Variants in VPS37A observed in about 807,000 individuals in gnomAD.
VPS37A encodes VPS37A subunit of ESCRT-I.
Under a neutral mutation model 49.8 loss-of-function variants are expected in VPS37A, and 30 were observed. That is an observed-to-expected ratio of 0.60 (90% CI 0.45 to 0.82). The LOEUF is 0.82. Among genes scored for constraint, VPS37A ranks in the 40% least tolerant of loss-of-function variants. VPS37A has a pLI of 0.00. For missense variants in VPS37A, 593 were observed against 464.4 expected (o/e 1.28, Z -2.55); for synonymous variants, 195 against 160.6 (o/e 1.21, Z -1.62).
chr8:17,252,931 T>A (rs544306185), intron 1 of VPS37A, among the ~76,000 whole-genome samples: 2 of 152,376 alleles, frequency 1.3e-5, no homozygotes, highest in South Asian at 4.1e-4. Flanking sequence ...TTTAAAATTA[T>A]GCGTATCAAT....
At chr8:17,330,269 G>C in the VPS37A span, among the ~76,000 whole-genome samples, 1 of 152,204 alleles carries the variant, frequency 6.6e-6, no homozygotes, top group African/African-American at 2.4e-5. Context: ...CTTCATTCCA[G>C]AGCCTGCATT....
the VPS37A span, among the ~76,000 whole-genome samples, chr8:17,312,574 CAAAAAAAAAAAA>C: frequency 3.8e-4 from 33 of 87,252 alleles, no homozygotes; most frequent in South Asian, 9.0e-3. Context: ...GACTCCCTCT[CAAAAAAAAAAAA>C]AAAAAAAAAA....
chr8:17,315,389 T>G, the VPS37A span, among the ~76,000 whole-genome samples: 2 of 138,042 alleles, frequency 1.4e-5, no homozygotes, highest in Admixed American at 7.4e-5. Context: ...GGCAGAAAAC[T>G]ACGACAGTGG....
At chr8:17,331,824 A>C in the VPS37A span, among the ~76,000 whole-genome samples, 1 of 152,320 alleles carries the variant, frequency 6.6e-6, no homozygotes, top group African/African-American at 2.4e-5. Context: ...AATAAAATGA[A>C]GAGAGGGAAT....
intron 4 of VPS37A, among the ~76,000 whole-genome samples, chr8:17,273,918 A>T (rs1814253465): frequency 6.6e-6 from 1 of 152,228 alleles, no homozygotes; most frequent in Non-Finnish European, 1.5e-5. Flanking sequence ...TTACATTAAT[A>T]TTTAAAACAT....
chr8:17,311,701 A>G, the VPS37A span: 1 of 1,608,514 alleles, frequency 6.2e-7, no homozygotes, highest in Non-Finnish European at 8.5e-7. Context: ...ACCTCTCATC[A>G]CAGCCAGGTT....
At position 17,280,280 on chromosome 8, in the gene VPS37A, C is replaced by G; in HGVS notation, c.883C>G (p.Gln295Glu). The G allele has an allele frequency of 6.2e-7, 1 of 1,612,606 alleles. No individual in the cohort carries two copies. Among genetic ancestry groups the G allele is most frequent in the Non-Finnish European group, 8.5e-7 (1 of 1,179,290 alleles). The change falls in exon 8 of 12, where the codon CAA becomes GAA. Residue 295 changes from glutamine to glutamate, a missense_variant. Gln to Glu is a conservative substitution (Grantham distance 29, BLOSUM62 2). Transcript: ENST00000324849. ...LLEPSLEAKR[Q>E]TVLDKYELLT... ...GGAGCCCAGCTTGGAAGCCAAAAGACAAACTGTTTTAGATAAGGTGAGTTA... is the reference window on the plus strand; with the variant it reads ...GGAGCCCAGCTTGGAAGCCAAAAGAGAAACTGTTTTAGATAAGGTGAGTTA...
chr8:17,281,169 T>G (rs1295359970), intron 9 of VPS37A, among the ~76,000 whole-genome samples: 1 of 152,042 alleles, frequency 6.6e-6, no homozygotes, highest in Non-Finnish European at 1.5e-5. Context: ...CATTGAGCAA[T>G]TAATATGTCT....
chr8:17,320,684 A>G, the VPS37A span, among the ~76,000 whole-genome samples: 1 of 152,232 alleles, frequency 6.6e-6, no homozygotes, highest in African/African-American at 2.4e-5. Flanking sequence ...AAAACTGAGC[A>G]AGCTCGGCCC....
chr8:17,299,577 A>T (rs1484005198), downstream of VPS37A: 11 of 368,144 alleles, frequency 3.0e-5, no homozygotes, highest in Non-Finnish European at 5.0e-5. Flanking sequence ...TGATCACTTC[A>T]GGTAATGACA....
chr8:17,277,907 TATAC>T (rs1814679373), intron 6 of VPS37A, among the ~76,000 whole-genome samples: 1 of 143,268 alleles, frequency 7.0e-6, no homozygotes, highest in Admixed American at 7.0e-5. Flanking sequence ...CACACAGACA[TATAC>T]ATATGTGTAT....
In VPS37A at chr8:17,247,046, C is replaced by G; in HGVS notation, c.-199C>G. 2.9e-6 allele frequency: 2 copies of G among 692,024 alleles called. No homozygotes were observed. Among genetic ancestry groups the G allele is most frequent in the South Asian group, 3.8e-5 (2 of 52,662 alleles). The allele number at this position is 692,024 out of a possible 1,614,324, so 42.9% of individuals were successfully genotyped here. A position where few individuals can be genotyped will look rare whatever the true frequency, so the allele number is the denominator to read the frequency against. Reference sequence around the variant, plus strand: ...TGTTCCGGGCCGCAAGTTTCCCTCTCCAGCCGCCCGCCGTTCGTAGCATGT... The same window carrying G: ...TGTTCCGGGCCGCAAGTTTCCCTCTGCAGCCGCCCGCCGTTCGTAGCATGT... On this transcript the variant is annotated 5_prime_UTR_variant, in exon 1 of 12. Transcript: ENST00000324849.
intron 11 of VPS37A, among the ~76,000 whole-genome samples, chr8:17,292,475 GTTA>G (rs1389223430): frequency 6.6e-6 from 1 of 152,114 alleles, no homozygotes; most frequent in Non-Finnish European, 1.5e-5. Context: ...GGTTAATATT[GTTA>G]TGTGTGAATT....
downstream of VPS37A, among the ~76,000 whole-genome samples, chr8:17,305,036 A>G (rs1817363681): frequency 6.6e-6 from 1 of 152,124 alleles, no homozygotes; most frequent in African/African-American, 2.4e-5. Flanking sequence ...AAAACAGGTG[A>G]CCCTAAAGGA....
intron 1 of VPS37A, among the ~76,000 whole-genome samples, chr8:17,251,188 A>G (rs779320328): frequency 2.0e-5 from 3 of 152,136 alleles, no homozygotes; most frequent in Non-Finnish European, 2.9e-5. Context: ...CTTCCCCCCA[A>G]GTTACTGTGG....
chr8:17,314,586 C>T, the VPS37A span, among the ~76,000 whole-genome samples: 3 of 152,156 alleles, frequency 2.0e-5, no homozygotes, highest in African/African-American at 7.2e-5. Context: ...TAAGAGGATT[C>T]ACTGTGATTT....
chr8:17,319,730 C>A, the VPS37A span, among the ~76,000 whole-genome samples: 1 of 152,196 alleles, frequency 6.6e-6, no homozygotes, highest in Non-Finnish European at 1.5e-5. Flanking sequence ...TCCAGCATCT[C>A]CCAGCTGATG....
chr8:17,313,303 A>G, the VPS37A span: 5 of 1,610,970 alleles, frequency 3.1e-6, no homozygotes, highest in Non-Finnish European at 4.2e-6. Context: ...TTTGCAATGA[A>G]GATTCCTGCA....
In VPS37A at chr8:17,280,049, G is replaced by A. The variant is rs765783117; in HGVS notation, c.735G>A (p.Met245Ile). The A allele has an allele frequency of 6.2e-6, 10 of 1,611,510 alleles. No individual in the cohort carries two copies. In the South Asian group the frequency reaches 7.7e-5, roughly 12 times the overall value. Residue 245 changes from methionine (M) to isoleucine (I), a missense_variant, in exon 7 of 12, where the codon ATG becomes ATA. Physicochemically the swap from Met to Ile is conservative, Grantham distance 10. Coordinates refer to ENST00000324849, the MANE Select transcript of VPS37A (RefSeq NM_152415.3). ...SELSVSQLTD[M>I]NEQEEVLLEQ... The stretch of plus-strand genomic sequence containing the variant: ...CTAGTGTGTCACAACTCACAGATAT[G>A]AATGAACAAGAGGAGGTATTACTAG...
Sources: gnomAD v4.1 joint callset for allele counts (sites outside exome capture counted in the v4.1 genomes callset) on GRCh38, gnomAD v4.1.1 for gene constraint, MANE v1.5 for transcripts, NCBI Gene and HGNC (gene_info 2026-07-23, HGNC 2026-07-21) for gene names.